Variants in XIRP2 observed in about 807,000 individuals in gnomAD.
XIRP2 encodes the protein xin actin-binding repeat-containing protein 2.
In XIRP2, 236 loss-of-function variants were observed where a neutral mutation model predicts 277.0. The ratio of observed to expected loss-of-function variants is 0.85; its 90% CI spans 0.77 to 0.95. The LOEUF (loss-of-function observed/expected upper bound fraction) is 0.95. Ranked by LOEUF, XIRP2 falls within the 40% of genes least tolerant of loss-of-function variation. The pLI is 0.00. For synonymous variants in XIRP2, 1,490 were observed against 1,416.5 expected, an observed-to-expected ratio of 1.05 and a Z score of -1.17; for missense variants, 4,640 against 4,157.5, an observed-to-expected ratio of 1.12 and a Z score of -3.19.
intron 2 of XIRP2, among the ~76,000 whole-genome samples, chr2:167,033,440 AT>A (rs749727238): frequency 1.3e-5 from 2 of 152,100 alleles, no homozygotes; most frequent in East Asian, 1.9e-4. Flanking sequence ...AAGTATAATA[AT>A]TTTTTTAAAA....
Position 167,249,802 on chromosome 2 carries a change from C to T in XIRP2, c.8410C>T (p.Gln2804Ter). Residue 2804 changes from glutamine (Q) to a stop codon, truncating the protein, a stop_gained, in exon 9 of 11, where the codon CAA becomes TAA. Transcript: ENST00000409195. LOFTEE classifies it high-confidence loss of function. ...TAAGCTCAAGATGGTTCCCAGGAAGCAAAGAGAATTTAGCGGATCTGACAG... is the reference window on the plus strand; with the variant it reads ...TAAGCTCAAGATGGTTCCCAGGAAGTAAAGAGAATTTAGCGGATCTGACAG... Reference protein sequence around the residue: ...EDKLKMVPRKQREFSGSDRGK... With the variant: ...EDKLKMVPRK The T allele has an allele frequency of 6.2e-7, 1 of 1,613,024 alleles. No homozygotes were observed. Among genetic ancestry groups the T allele is most frequent in the Admixed American group, 1.7e-5 (1 of 59,894 alleles).
At chr2:167,179,323 G>GTT (rs374760800) in intron 3 of XIRP2, among the ~76,000 whole-genome samples, 71 of 120,494 alleles carry the variant, frequency 5.9e-4, no homozygotes, top group Admixed American at 1.5e-3. Flanking sequence ...TTTTTTTCTT[G>GTT]TTTTTTTTTT....
intron 10 of XIRP2, 73 bp from the exon 11 acceptor site, chr2:167,257,784 A>C: frequency 6.9e-7 from 1 of 1,454,762 alleles, no homozygotes; most frequent in African/African-American, 1.4e-5. Context: ...AACTCATTGA[A>C]ATAATTAATC....
At chr2:167,151,846 A>G (rs1692025137) in intron 3 of XIRP2, among the ~76,000 whole-genome samples, 1 of 152,120 alleles carries the variant, frequency 6.6e-6, no homozygotes, top group Admixed American at 6.6e-5. Flanking sequence ...ACTAGGGACA[A>G]AGGAACCATT....
chr2:167,160,826 G>A (rs939537325), intron 3 of XIRP2, among the ~76,000 whole-genome samples: 1 of 152,100 alleles, frequency 6.6e-6, no homozygotes, highest in African/African-American at 2.4e-5. Context: ...AACTATTTCA[G>A]CATTAACTCG....
At position 167,040,323 on chromosome 2, in the gene XIRP2, GGAAACTAGGAACTCT is replaced by G. The variant is rs1307510983; in HGVS notation, c.409-95569_409-95555del. 4.6e-5 allele frequency among the ~76,000 whole-genome samples: 7 copies of G among 152,110 alleles called. No individual in the cohort carries two copies. In the South Asian group the frequency reaches 8.3e-4, roughly 18 times the overall value. On this transcript the variant is annotated intron_variant, in intron 2 of 10. Coordinates refer to ENST00000409195, the MANE Select transcript of XIRP2 (RefSeq NM_152381.6). ...ATGCACACCCCAGGCTAAAAGGGAA[GGAAACTAGGAACTCT>G]GAAACTAGGAACTCTGCCTGGGATT...
At chr2:167,082,373 C>T (rs1341498479) in intron 2 of XIRP2, among the ~76,000 whole-genome samples, 1 of 151,960 alleles carries the variant, frequency 6.6e-6, no homozygotes, top group Non-Finnish European at 1.5e-5. Flanking sequence ...GGTTCCAAGT[C>T]TTTGCTATTG....
chr2:167,147,119 G>T (rs1480715092), intron 3 of XIRP2, among the ~76,000 whole-genome samples: 1 of 152,114 alleles, frequency 6.6e-6, no homozygotes, highest in Non-Finnish European at 1.5e-5. Flanking sequence ...TTAGAAATAT[G>T]CTTAAGCAGA....
At position 167,247,830 on chromosome 2, in the gene XIRP2, G is replaced by C; in HGVS notation, c.6438G>C (p.Lys2146Asn). ...MEGFHIKSPK[K>N]TKNIKILTDT... is the part of the protein sequence containing the mutation. Reference sequence around the variant, plus strand: ...GTTTTCATATAAAGAGTCCTAAAAAGACCAAAAATATTAAAATATTAACTG... The same window carrying C: ...GTTTTCATATAAAGAGTCCTAAAAACACCAAAAATATTAAAATATTAACTG... Residue 2146 changes from lysine to asparagine, a missense_variant, in exon 9 of 11, where the codon AAG becomes AAC. Lys to Asn is a moderately conservative substitution (Grantham distance 94). Coordinates refer to ENST00000409195, the MANE Select transcript of XIRP2 (RefSeq NM_152381.6). The C allele has an allele frequency of 6.2e-7, 1 of 1,613,214 alleles. No homozygotes were observed. The highest frequency in any genetic ancestry group is 8.5e-7 in the Non-Finnish European group (1 of 1,179,634).
chr2:166,888,617 T>C (rs1684016335), intron 1 of XIRP2, 60 bp downstream of exon 1: 4 of 152,204 alleles, frequency 2.6e-5, no homozygotes, highest in Admixed American at 2.6e-4. Flanking sequence ...TACATGCTTC[T>C]CTTTGATAGT....
intron 2 of XIRP2, among the ~76,000 whole-genome samples, chr2:167,102,958 A>G (rs1690522857): frequency 6.6e-6 from 1 of 152,202 alleles, no homozygotes; most frequent in African/African-American, 2.4e-5. Flanking sequence ...TGTTGTAAAT[A>G]AAAAGAATAG....
At chr2:167,242,099 T>C (rs1249568074) in intron 8 of XIRP2, among the ~76,000 whole-genome samples, 189 bp downstream of exon 8, 1 of 152,174 alleles carries the variant, frequency 6.6e-6, no homozygotes, top group East Asian at 1.9e-4. Flanking sequence ...CTTTTCTCAC[T>C]AGCAGAAAAT....
intron 2 of XIRP2, among the ~76,000 whole-genome samples, chr2:167,132,869 T>G (rs1691427056): frequency 6.6e-6 from 1 of 152,188 alleles, no homozygotes; most frequent in Non-Finnish European, 1.5e-5. Context: ...ACACTCAGCA[T>G]TAGAGTTGCA....
intron 7 of XIRP2, among the ~76,000 whole-genome samples, chr2:167,241,279 A>T (rs1392456674): frequency 6.6e-6 from 1 of 151,960 alleles, no homozygotes; most frequent in African/African-American, 2.4e-5. Context: ...ACTTTACTTG[A>T]TTACATGACT....
At chr2:167,239,820 C>CT in intron 5 of XIRP2, 35 bp from the exon 6 acceptor site, 3 of 1,546,510 alleles carry the variant, frequency 1.9e-6, no homozygotes, top group African/African-American at 1.4e-5. Context: ...TTTTACTTTT[C>CT]TTAAGGCATT....
intron 3 of XIRP2, among the ~76,000 whole-genome samples, chr2:167,203,752 G>A (rs1350611187): frequency 1.3e-5 from 2 of 152,136 alleles, no homozygotes; most frequent in Non-Finnish European, 2.9e-5. Flanking sequence ...GTAGCATTCT[G>A]AATGCTTAAA....
At chr2:167,018,724 A>G (rs947251887) in intron 2 of XIRP2, among the ~76,000 whole-genome samples, 21 of 152,028 alleles carry the variant, frequency 1.4e-4, no homozygotes, top group Admixed American at 2.6e-4. Context: ...CTTTTCTTAG[A>G]CAGCAGAAAC....
At chr2:167,184,784 A>G (rs1693111024) in intron 3 of XIRP2, 4 of 619,752 alleles carry the variant, frequency 6.5e-6, no homozygotes, top group South Asian at 5.9e-5. Context: ...GCTAATTACT[A>G]GCATCATCCC....
intron 2 of XIRP2, among the ~76,000 whole-genome samples, chr2:167,079,469 T>G (rs1038912351): frequency 2.6e-5 from 4 of 152,144 alleles, no homozygotes; most frequent in African/African-American, 9.7e-5. Context: ...TTGGGGCCTT[T>G]TATTGGTTGG....
Sources: allele counts gnomAD v4.1 joint callset (sites outside exome capture counted in the v4.1 genomes callset), GRCh38; gene constraint gnomAD v4.1.1; transcripts MANE v1.5; gene names NCBI Gene and HGNC (gene_info 2026-07-23, HGNC 2026-07-21).